The following IGSF21 variants were observed in gnomAD, a reference collection of about 807,000 sequenced individuals.
The protein encoded by IGSF21 is immunoglobin superfamily member 21.
IGSF21 carries 28 observed loss-of-function variants against 46.8 expected under a neutral mutation model. That is an observed-to-expected ratio of 0.60 (90% CI 0.44 to 0.82). The LOEUF is 0.82. Among genes scored for constraint, IGSF21 ranks in the 40% least tolerant of loss-of-function variants. The pLI, the probability that IGSF21 is intolerant of heterozygous loss-of-function variation, is 0.00. For synonymous variants in IGSF21, 284 were observed against 273.6 expected (o/e 1.04, Z -0.38); for missense variants, 624 against 665.5 (o/e 0.94, Z 0.69).
At chr1:18,173,719 ATTTTG>A (rs1457001521) in intron 1 of IGSF21, among the ~76,000 whole-genome samples, 1 of 152,054 alleles carries the variant, frequency 6.6e-6, no homozygotes, top group Non-Finnish European at 1.5e-5. Flanking sequence ...TTTGAGTTTT[ATTTTG>A]TTTTGTTTTA....
intron 1 of IGSF21, among the ~76,000 whole-genome samples, chr1:18,191,747 C>T (rs1333957257): frequency 1.3e-5 from 2 of 152,144 alleles, no homozygotes; most frequent in Non-Finnish European, 2.9e-5. Context: ...TTCTTTTGAA[C>T]CTGGCATCTG....
chr1:18,367,604 T>A (rs906511026), intron 6 of IGSF21, among the ~76,000 whole-genome samples: 3 of 18,864 alleles, frequency 1.6e-4, no homozygotes, highest in Non-Finnish European at 3.0e-4. Flanking sequence ...TCTCTCTCTC[T>A]TTTTTTTTTT....
intron 4 of IGSF21, among the ~76,000 whole-genome samples, chr1:18,359,374 GAAAGAAAGA>G (rs2086063639): frequency 7.8e-5 from 8 of 102,454 alleles, no homozygotes; most frequent in Admixed American, 3.2e-4. Flanking sequence ...AAGAAAGAAA[GAAAGAAAGA>G]AAGGAAGGAA....
At chr1:18,192,567 G>A (rs1025839930) in intron 1 of IGSF21, among the ~76,000 whole-genome samples, 13 of 152,342 alleles carry the variant, frequency 8.5e-5, no homozygotes, top group East Asian at 1.9e-4. Context: ...TGCCAGGCTT[G>A]CAGCTGGGCA....
At chr1:18,207,808 C>G (rs2084346254) in intron 1 of IGSF21, among the ~76,000 whole-genome samples, 1 of 152,192 alleles carries the variant, frequency 6.6e-6, no homozygotes, top group Non-Finnish European at 1.5e-5. Context: ...ATGTTCTGGT[C>G]TGGTGCCTGG....
At chr1:18,252,281 C>T (rs1451351665) in intron 2 of IGSF21, among the ~76,000 whole-genome samples, 1 of 152,030 alleles carries the variant, frequency 6.6e-6, no homozygotes. Flanking sequence ...GATCTCCTGA[C>T]CTCGCGATCC....
intron 3 of IGSF21, among the ~76,000 whole-genome samples, chr1:18,293,702 T>C (rs2085288293): frequency 1.3e-5 from 2 of 152,232 alleles, no homozygotes. Flanking sequence ...ACAGATGGTT[T>C]TGTAGTAAGT....
At chr1:18,166,878 A>G (rs41273149) in intron 1 of IGSF21, 11,174 of 153,116 alleles carry the variant, frequency 0.073, 446 homozygotes, top group Middle Eastern at 0.17. Context: ...TGCAGTGGGA[A>G]GGCCCAGGAT....
intron 2 of IGSF21, among the ~76,000 whole-genome samples, chr1:18,268,273 A>G (rs966502684): frequency 3.9e-5 from 6 of 152,258 alleles, no homozygotes; most frequent in Admixed American, 3.9e-4. Context: ...GCCAGTTAGT[A>G]GCAGAGCCAG....
intron 4 of IGSF21, among the ~76,000 whole-genome samples, chr1:18,351,780 A>T (rs76122564): frequency 0.013 from 1,919 of 152,346 alleles, 33 homozygotes; most frequent in African/African-American, 0.044. Context: ...GCTGCTATTT[A>T]AAACAGATTC....
intron 1 of IGSF21, among the ~76,000 whole-genome samples, chr1:18,171,465 T>C: frequency 6.6e-6 from 1 of 152,056 alleles, no homozygotes; most frequent in East Asian, 1.9e-4. Flanking sequence ...AAGGAAATAG[T>C]CATGCTGAGG....
intron 1 of IGSF21, among the ~76,000 whole-genome samples, chr1:18,171,132 C>T (rs2086732562): frequency 6.6e-6 from 1 of 151,806 alleles, no homozygotes; most frequent in South Asian, 2.1e-4. Flanking sequence ...AGCATGCTGG[C>T]CTCACTCTCA....
chr1:18,287,982 G>A (rs1411142815), intron 2 of IGSF21, among the ~76,000 whole-genome samples: 1 of 152,100 alleles, frequency 6.6e-6, no homozygotes, highest in Non-Finnish European at 1.5e-5. Context: ...AGATGGTCCA[G>A]AAAGGTGTGA....
chr1:18,188,811 AGACGTGTC>A (rs2086928256), intron 1 of IGSF21, among the ~76,000 whole-genome samples: 1 of 152,232 alleles, frequency 6.6e-6, no homozygotes, highest in African/African-American at 2.4e-5. Flanking sequence ...ACTCATAGCC[AGACGTGTC>A]AGAGCTGGAT....
chr1:18,292,986 G>A (rs988680126), intron 3 of IGSF21, among the ~76,000 whole-genome samples: 4 of 152,200 alleles, frequency 2.6e-5, no homozygotes, highest in Admixed American at 6.5e-5. Context: ...GTGCTGCATC[G>A]GGTACCGTGA....
At chr1:18,252,208 G>A (rs1329117719) in intron 2 of IGSF21, among the ~76,000 whole-genome samples, 3 of 151,770 alleles carry the variant, frequency 2.0e-5, no homozygotes, top group African/African-American at 7.3e-5. Flanking sequence ...CTGCCACCAT[G>A]CCCGGCTAAT....
chr1:18,370,296 T>G (rs952975408), intron 6 of IGSF21, among the ~76,000 whole-genome samples: 3 of 152,126 alleles, frequency 2.0e-5, no homozygotes, highest in Non-Finnish European at 4.4e-5. Flanking sequence ...CAGAAATAGA[T>G]CTACATACAC....
rs201039235 is a variant in IGSF21, at chr1:18,377,001, C to T, written c.1294+9C>T. On this transcript the variant is annotated intron_variant, in intron 8 of 9. Transcript: ENST00000251296. ...CCGGCTCATCGTGTTTGGTATGGCG[C>T]GCTCAACTGGGGACTGGGAGAACAA... is the stretch of plus-strand genomic sequence containing the variant. The T allele has an allele frequency of 4.6e-5, 73 of 1,582,484 alleles. No individual in the cohort carries two copies. The highest frequency in any genetic ancestry group is 2.0e-4 in the East Asian group (9 of 44,204).
intron 2 of IGSF21, among the ~76,000 whole-genome samples, chr1:18,233,814 A>C (rs998151209): frequency 1.3e-5 from 2 of 152,112 alleles, no homozygotes; most frequent in African/African-American, 4.8e-5. Flanking sequence ...ACTGGGTTTC[A>C]ATTCTTGGAA....
Sources: gnomAD v4.1 joint callset for allele counts (sites outside exome capture counted in the v4.1 genomes callset) on GRCh38, gnomAD v4.1.1 for gene constraint, MANE v1.5 for transcripts, NCBI Gene and HGNC (gene_info 2026-07-23, HGNC 2026-07-21) for gene names.